MDGA2: variants seen among roughly 807,000 people sequenced by gnomAD.
The protein encoded by MDGA2 is MAM domain-containing glycosylphosphatidylinositol anchor protein 2.
In MDGA2, 40 loss-of-function variants were observed where a neutral mutation model predicts 117.8. That is an observed-to-expected ratio of 0.34 (90% CI 0.26 to 0.44). The LOEUF (loss-of-function observed/expected upper bound fraction) is 0.44, where lower values mean the gene tolerates loss of function less well. Among genes scored for constraint, MDGA2 ranks in the 20% least tolerant of loss-of-function variants. The probability of loss-of-function intolerance (pLI) is 1.00; values close to 1 mark genes in which losing one functional copy is unlikely to be tolerated. For synonymous variants in MDGA2, 452 were observed against 439.0 expected (o/e 1.03, Z -0.37); for missense variants, 1,123 against 1,250.6 (o/e 0.90, Z 1.54).
intron 8 of MDGA2, among the ~76,000 whole-genome samples, chr14:46,989,436 T>C (rs1174264648): frequency 6.6e-6 from 1 of 152,104 alleles, no homozygotes; most frequent in Non-Finnish European, 1.5e-5. Context: ...GGAAAGCTCA[T>C]AATTTTTCAT....
intron 14 of MDGA2, 74 bp downstream of exon 14, chr14:46,873,359 G>A (rs1260770950): frequency 3.0e-6 from 4 of 1,347,810 alleles, no homozygotes; most frequent in Non-Finnish European, 4.0e-6. Context: ...TTGTTTTAAT[G>A]CTGTGTGTTT....
Position 46,883,080 on chromosome 14 carries a change from G to A in MDGA2, c.2239-859C>T, listed in dbSNP as rs1347504726. On this transcript the variant is annotated intron_variant, in intron 10 of 16. Coordinates refer to ENST00000399232, the MANE Select transcript of MDGA2 (RefSeq NM_001113498.3). Reference sequence around the variant, plus strand: ...GAATTCTAATCTTTTACAAAATCTTGCAGATATTTTTAAAAAGAAAAACAA... The same window carrying A: ...GAATTCTAATCTTTTACAAAATCTTACAGATATTTTTAAAAAGAAAAACAA... Among the ~76,000 whole-genome samples the A allele has an allele frequency of 3.9e-5, 6 of 152,004 alleles. No homozygotes were observed. In the East Asian group the frequency reaches 1.2e-3, roughly 29 times the overall value.
At chr14:47,524,343 A>T (rs958674526) in intron 1 of MDGA2, among the ~76,000 whole-genome samples, 1 of 152,244 alleles carries the variant, frequency 6.6e-6, no homozygotes, top group Non-Finnish European at 1.5e-5. Flanking sequence ...ACCATTACAT[A>T]AAGACTTATT....
In MDGA2 at chr14:47,375,201, G is replaced by GAA. The variant is rs34274638; in HGVS notation, c.281-73653_281-73652dup. Reference sequence around the variant, plus strand: ...GACTTTCATATACAGTGCCTCTTAGGAAAAAAAAAAACATTTAGTAACAGT... The same window carrying GAA: ...GACTTTCATATACAGTGCCTCTTAGGAAAAAAAAAAAAACATTTAGTAACAGT... On this transcript the variant is annotated intron_variant, in intron 1 of 16. Transcript: ENST00000399232. Among the ~76,000 whole-genome samples, 179 of 143,624 alleles carry GAA rather than the reference G, an allele frequency of 1.2e-3. 2 individuals carry two copies. In the South Asian group the frequency reaches 0.032, roughly 26 times the overall value. 94.2% of individuals were successfully genotyped at this position (143,624 alleles called of 152,430 possible). A position where few individuals can be genotyped will look rare whatever the true frequency, so the allele number is the denominator to read the frequency against.
At chr14:47,165,118 G>A (rs982581503) in intron 3 of MDGA2, among the ~76,000 whole-genome samples, 1 of 152,076 alleles carries the variant, frequency 6.6e-6, no homozygotes, top group African/African-American at 2.4e-5. Context: ...GGGGCAGGGG[G>A]TAGGGATAGC....
chr14:46,879,632 AT>A (rs1415177052), intron 11 of MDGA2, among the ~76,000 whole-genome samples: 1 of 152,120 alleles, frequency 6.6e-6, no homozygotes, highest in Non-Finnish European at 1.5e-5. Flanking sequence ...ACTTTTTAAA[AT>A]CTCTTAAGGA....
At chr14:46,915,069 T>C (rs1883849287) in intron 10 of MDGA2, among the ~76,000 whole-genome samples, 1 of 152,136 alleles carries the variant, frequency 6.6e-6, no homozygotes, top group Non-Finnish European at 1.5e-5. Context: ...ATCCAAGTTA[T>C]GTTTACTATG....
chr14:46,925,631 CAA>C (rs34889177), intron 9 of MDGA2, among the ~76,000 whole-genome samples: 2,125 of 64,558 alleles, frequency 0.033, 52 homozygotes, highest in African/African-American at 0.11. Context: ...GACTCTACCT[CAA>C]AAAAAAAAAA....
intron 2 of MDGA2, among the ~76,000 whole-genome samples, chr14:47,296,679 C>T: frequency 6.6e-6 from 1 of 152,136 alleles, no homozygotes; most frequent in Non-Finnish European, 1.5e-5. Flanking sequence ...TCAACTTTGG[C>T]TAAATAATTC....
At chr14:47,060,072 G>T (rs1476652050) in intron 7 of MDGA2, among the ~76,000 whole-genome samples, 1 of 151,838 alleles carries the variant, frequency 6.6e-6, no homozygotes, top group Non-Finnish European at 1.5e-5. Context: ...TAGCACCAAC[G>T]TTTAAATATG....
intron 7 of MDGA2, among the ~76,000 whole-genome samples, chr14:47,043,534 T>A (rs1424193056): frequency 6.6e-6 from 1 of 152,120 alleles, no homozygotes; most frequent in Admixed American, 6.6e-5. Context: ...TAAGATCTGA[T>A]TGACTAATGT....
chr14:46,917,297 T>C (rs1003783258), intron 10 of MDGA2, among the ~76,000 whole-genome samples: 4 of 152,308 alleles, frequency 2.6e-5, no homozygotes, highest in African/African-American at 9.6e-5. Context: ...AAATGTACTC[T>C]TTTAAAAAAT....
At position 46,990,899 on chromosome 14, in the gene MDGA2, C is replaced by CACACACAT. The variant is rs147192624; in HGVS notation, c.1820-33257_1820-33256insATGTGTGT. Among the ~76,000 whole-genome samples the CACACACAT allele has an allele frequency of 5.8e-4, 85 of 146,800 alleles. 1 individual carries two copies. The highest frequency in any genetic ancestry group is 1.3e-3 in the African/African-American group (50 of 39,324). On this transcript the variant is annotated intron_variant, in intron 8 of 16. Transcript: ENST00000399232. Reference sequence around the variant, plus strand: ...ACACACACACACACACACACACACACACCCCGCGTAAGACACAGCTAGAAA... The same window carrying CACACACAT: ...ACACACACACACACACACACACACACACACACATACCCCGCGTAAGACACAGCTAGAAA...
chr14:47,213,881 A>G (rs1187023322), intron 3 of MDGA2, among the ~76,000 whole-genome samples: 1 of 152,132 alleles, frequency 6.6e-6, no homozygotes, highest in Non-Finnish European at 1.5e-5. Context: ...CAGTAAACTT[A>G]CAATCACAGC....
intron 1 of MDGA2, among the ~76,000 whole-genome samples, chr14:47,654,924 G>A (rs1897715807): frequency 6.6e-6 from 1 of 152,050 alleles, no homozygotes; most frequent in Admixed American, 6.6e-5. Context: ...GATAAGAGAG[G>A]CATTTTTGAT....
At position 46,840,476 on chromosome 14, in the gene MDGA2, T is replaced by G. The variant is rs986258971; in HGVS notation, c.*1455A>C. 6.6e-6 allele frequency: 1 copy of G among 152,588 alleles called. No individual in the cohort carries two copies. The highest frequency in any genetic ancestry group is 2.1e-4 in the South Asian group (1 of 4,834). The allele number at this position is 152,588 out of a possible 1,614,324, so 9.5% of individuals were successfully genotyped here. A position where few individuals can be genotyped will look rare whatever the true frequency, so the allele number is the denominator to read the frequency against. On this transcript the variant is annotated 3_prime_UTR_variant, in exon 17 of 17. Transcript: ENST00000399232. ...AAACTGGCTGGTTAAAGATATGATT[T>G]GTCGTCAGGTAGCTCAAAATTATTT...
chr14:47,500,401 T>C (rs1194445675), intron 1 of MDGA2, among the ~76,000 whole-genome samples: 3 of 152,082 alleles, frequency 2.0e-5, no homozygotes, highest in Non-Finnish European at 4.4e-5. Flanking sequence ...AAACTGGTCA[T>C]GAAAAATATA....
intron 7 of MDGA2, chr14:47,058,955 T>G (rs1566598716): frequency 5.1e-6 from 5 of 975,352 alleles, no homozygotes; most frequent in Non-Finnish European, 6.1e-6. Context: ...GGCATGCATT[T>G]TTATTTTCAC....
chr14:47,626,763 G>C (rs1308751217), intron 1 of MDGA2, among the ~76,000 whole-genome samples: 4 of 152,184 alleles, frequency 2.6e-5, no homozygotes, highest in Non-Finnish European at 4.4e-5. Context: ...GGCAGGGCTC[G>C]GGACCTGCAG....
Sources: gnomAD v4.1 joint callset for allele counts (sites outside exome capture counted in the v4.1 genomes callset) on GRCh38, gnomAD v4.1.1 for gene constraint, MANE v1.5 for transcripts, NCBI Gene and HGNC (gene_info 2026-07-23, HGNC 2026-07-21) for gene names.